Variants in CCSER1 observed in about 807,000 individuals in gnomAD.
CCSER1 encodes the protein serine-rich coiled-coil domain-containing protein 1.
In CCSER1, 41 loss-of-function variants were observed where a neutral mutation model predicts 82.0. The observed-to-expected ratio is 0.50, with a 90% confidence interval of 0.39 to 0.65. CCSER1 has a LOEUF of 0.65. Ranked by LOEUF, CCSER1 falls within the 30% of genes least tolerant of loss-of-function variation. The pLI is 0.00. For synonymous variants in CCSER1, 414 were observed against 383.9 expected, an observed-to-expected ratio of 1.08 and a Z score of -0.92; for missense variants, 1,119 against 1,064.2, an observed-to-expected ratio of 1.05 and a Z score of -0.72.
intron 3 of CCSER1, among the ~76,000 whole-genome samples, chr4:90,376,240 G>T (rs867801454): frequency 5.9e-5 from 9 of 152,118 alleles, no homozygotes; most frequent in Non-Finnish European, 8.8e-5. Context: ...CATTATTATT[G>T]CACACCCTAT....
chr4:90,427,935 A>G (rs1757753086), intron 4 of CCSER1, among the ~76,000 whole-genome samples: 1 of 151,838 alleles, frequency 6.6e-6, no homozygotes, highest in Non-Finnish European at 1.5e-5. Flanking sequence ...TGTAAGCAGC[A>G]TACCTATGGT....
chr4:90,371,867 G>A (rs1007456504), intron 3 of CCSER1, among the ~76,000 whole-genome samples: 2 of 152,044 alleles, frequency 1.3e-5, no homozygotes, highest in African/African-American at 2.4e-5. Flanking sequence ...AATGTGGGTG[G>A]CCTCAAAAAT....
intron 10 of CCSER1, among the ~76,000 whole-genome samples, chr4:91,093,488 G>C (rs749862396): frequency 3.3e-5 from 5 of 152,204 alleles, no homozygotes; most frequent in Non-Finnish European, 5.9e-5. Context: ...TTTGGTATTT[G>C]TTAAAGTCAC....
intron 1 of CCSER1, among the ~76,000 whole-genome samples, chr4:90,203,477 G>T (rs545788715): frequency 6.6e-6 from 1 of 152,252 alleles, no homozygotes; most frequent in East Asian, 1.9e-4. Context: ...TTAGTTTGCT[G>T]AGAATGACGG....
At chr4:90,702,605 A>C (rs1161127098) in intron 6 of CCSER1, among the ~76,000 whole-genome samples, 2 of 152,086 alleles carry the variant, frequency 1.3e-5, no homozygotes, top group Admixed American at 6.6e-5. Flanking sequence ...CTGGTCCCGT[A>C]CTTTTTTTGA....
intron 9 of CCSER1, among the ~76,000 whole-genome samples, chr4:91,045,959 G>A (rs1402384931): frequency 4.0e-5 from 6 of 150,978 alleles, no homozygotes; most frequent in Non-Finnish European, 8.8e-5. Context: ...ACAGTCAAAG[G>A]GGGTTCTCTG....
chr4:90,302,224 G>C (rs964414952), intron 1 of CCSER1, among the ~76,000 whole-genome samples: 4 of 152,064 alleles, frequency 2.6e-5, no homozygotes, highest in African/African-American at 9.7e-5. Context: ...AAGGAGAAAT[G>C]GTTTTTGGCA....
intron 10 of CCSER1, among the ~76,000 whole-genome samples, chr4:91,223,423 TAC>T (rs1737908782): frequency 6.6e-6 from 1 of 151,960 alleles, no homozygotes; most frequent in Non-Finnish European, 1.5e-5. Flanking sequence ...GTTTAAAAGG[TAC>T]ATAAGTATAA....
At chr4:91,506,201 ATTGT>A (rs1247828255) in intron 10 of CCSER1, among the ~76,000 whole-genome samples, 2 of 151,986 alleles carry the variant, frequency 1.3e-5, no homozygotes, top group African/African-American at 4.8e-5. Flanking sequence ...TTCTTTCCTC[ATTGT>A]TTGTTTTTGT....
At chr4:90,603,182 C>A (rs183973911) in intron 5 of CCSER1, among the ~76,000 whole-genome samples, 1 of 152,276 alleles carries the variant, frequency 6.6e-6, no homozygotes, top group African/African-American at 2.4e-5. Flanking sequence ...AAAATAGAAG[C>A]GTATGCAGTG....
intron 1 of CCSER1, among the ~76,000 whole-genome samples, chr4:90,248,333 A>C (rs956177940): frequency 5.9e-5 from 9 of 152,182 alleles, no homozygotes; most frequent in African/African-American, 1.9e-4. Flanking sequence ...GGACATAAAA[A>C]ATTTCTGATG....
chr4:90,484,919 T>G (rs1294488730), intron 5 of CCSER1, among the ~76,000 whole-genome samples: 1 of 152,194 alleles, frequency 6.6e-6, no homozygotes, highest in Non-Finnish European at 1.5e-5. Flanking sequence ...ACAGGGACAT[T>G]TAAGTCTGCA....
intron 10 of CCSER1, among the ~76,000 whole-genome samples, chr4:91,413,799 A>C (rs1409006401): frequency 6.6e-6 from 1 of 152,164 alleles, no homozygotes; most frequent in Non-Finnish European, 1.5e-5. Context: ...TAAAAGCAAC[A>C]AGACTTGTCA....
intron 8 of CCSER1, among the ~76,000 whole-genome samples, chr4:90,841,134 C>G (rs984651516): frequency 1.5e-5 from 2 of 136,418 alleles, no homozygotes; most frequent in African/African-American, 5.1e-5. Flanking sequence ...ATCTGAAAAC[C>G]TCAGCCAATG....
intron 1 of CCSER1, among the ~76,000 whole-genome samples, chr4:90,232,674 G>C (rs894227722): frequency 2.3e-4 from 33 of 140,760 alleles, no homozygotes; most frequent in Admixed American, 7.1e-5. Flanking sequence ...ACTACCATCA[G>C]AGTGAACAGG....
At position 91,289,742 on chromosome 4, in the gene CCSER1, C is replaced by T. The variant is rs185919058; in HGVS notation, c.2217+203748C>T. 1.5e-4 allele frequency among the ~76,000 whole-genome samples: 23 copies of T among 151,884 alleles called. No individual in the cohort carries two copies. The East Asian group carries it at 4.3e-3, about 28-fold the overall frequency. On this transcript the variant is annotated intron_variant, in intron 10 of 10. Transcript: ENST00000509176. ...GAGCTGTGGAAAAATATCAAGTCATCTAATTTATTTGTAATTGAAATCCCA... is the reference window on the plus strand; with the variant it reads ...GAGCTGTGGAAAAATATCAAGTCATTTAATTTATTTGTAATTGAAATCCCA...
At chr4:90,438,127 T>C (rs1363200172) in intron 4 of CCSER1, among the ~76,000 whole-genome samples, 1 of 152,170 alleles carries the variant, frequency 6.6e-6, no homozygotes, top group Non-Finnish European at 1.5e-5. Context: ...GAAAAGTCAA[T>C]ACATTTCAGG....
intron 9 of CCSER1, among the ~76,000 whole-genome samples, chr4:90,971,360 G>C (rs899657717): frequency 6.6e-5 from 10 of 151,884 alleles, no homozygotes; most frequent in Admixed American, 2.0e-4. Flanking sequence ...GATCTCTTGA[G>C]AACTCACTCA....
chr4:91,271,573 A>G (rs1742026870), intron 10 of CCSER1, among the ~76,000 whole-genome samples: 1 of 152,076 alleles, frequency 6.6e-6, no homozygotes, highest in Non-Finnish European at 1.5e-5. Context: ...GCAGTCTCCA[A>G]TCTCATCCAG....
Sources: allele counts gnomAD v4.1 joint callset (sites outside exome capture counted in the v4.1 genomes callset), GRCh38; gene constraint gnomAD v4.1.1; transcripts MANE v1.5; gene names NCBI Gene and HGNC (gene_info 2026-07-23, HGNC 2026-07-21).